The following ULK4 variants were observed in gnomAD, a reference collection of about 807,000 sequenced individuals.
ULK4 encodes unc-51 like kinase 4.
A neutral mutation model predicts 160.6 loss-of-function variants in ULK4; 133 were observed. The observed-to-expected ratio is 0.83, with a 90% confidence interval of 0.72 to 0.96. ULK4 has a LOEUF of 0.96. ULK4 is among the 40% of genes least tolerant of loss of function. ULK4 has a pLI of 0.00. For missense variants in ULK4, 1,580 were observed against 1,499.5 expected (o/e 1.05, Z -0.89); for synonymous variants, 534 against 539.8 (o/e 0.99, Z 0.15).
intron 21 of ULK4, among the ~76,000 whole-genome samples, chr3:41,783,234 A>T: frequency 6.6e-6 from 1 of 152,018 alleles, no homozygotes; most frequent in Middle Eastern, 3.4e-3. Flanking sequence ...TTCTTTTTTT[A>T]TTTAAATAGA....
At chr3:41,346,498 G>C (rs2080802844) in intron 35 of ULK4, among the ~76,000 whole-genome samples, 1 of 152,178 alleles carries the variant, frequency 6.6e-6, no homozygotes, top group Non-Finnish European at 1.5e-5. Flanking sequence ...GCTCCCACCA[G>C]TGTCCAGACT....
chr3:41,756,956 T>C (rs958392443), intron 21 of ULK4, among the ~76,000 whole-genome samples: 13 of 152,140 alleles, frequency 8.5e-5, no homozygotes, highest in Admixed American at 7.9e-4. Flanking sequence ...GGGAAAATGT[T>C]CGTAAATAAT....
intron 2 of ULK4, among the ~76,000 whole-genome samples, chr3:41,946,314 T>G (rs1311689164): frequency 6.6e-6 from 1 of 152,118 alleles, no homozygotes; most frequent in African/African-American, 2.4e-5. Context: ...AGGAACCCAT[T>G]TACTTGAGGT....
At chr3:41,854,130 T>G (rs1021961163) in intron 17 of ULK4, 4 of 152,162 alleles carry the variant, frequency 2.6e-5, no homozygotes, top group African/African-American at 7.2e-5. Context: ...TTTAGGAGCC[T>G]CGGGATTCTT....
At chr3:41,637,111 A>C (rs1190075530) in intron 30 of ULK4, among the ~76,000 whole-genome samples, 1 of 152,186 alleles carries the variant, frequency 6.6e-6, no homozygotes. Context: ...TCAAAAATAT[A>C]ACACATTGCT....
intron 35 of ULK4, among the ~76,000 whole-genome samples, chr3:41,357,307 C>A (rs1376761717): frequency 9.2e-5 from 14 of 152,162 alleles, no homozygotes; most frequent in Non-Finnish European, 7.3e-5. Context: ...AACATGAAAA[C>A]CTTGCCTCCT....
At chr3:41,390,109 T>G (rs950454894) in intron 35 of ULK4, among the ~76,000 whole-genome samples, 4 of 152,188 alleles carry the variant, frequency 2.6e-5, no homozygotes, top group Non-Finnish European at 5.9e-5. Context: ...GGGAGGTGTA[T>G]GTGTCGAGGA....
intron 35 of ULK4, among the ~76,000 whole-genome samples, chr3:41,358,048 G>A (rs1357602217): frequency 6.6e-6 from 1 of 152,144 alleles, no homozygotes; most frequent in African/African-American, 2.4e-5. Context: ...AGTGCTGGAG[G>A]CAGGTTCAAA....
intron 32 of ULK4, among the ~76,000 whole-genome samples, chr3:41,564,785 G>A (rs1169050972): frequency 1.3e-5 from 2 of 151,892 alleles, no homozygotes; most frequent in South Asian, 2.1e-4. Context: ...TTTATAAATC[G>A]AGTGTAACCT....
At chr3:41,281,173 C>G (rs1024856564) in intron 35 of ULK4, among the ~76,000 whole-genome samples, 1 of 152,074 alleles carries the variant, frequency 6.6e-6, no homozygotes, top group African/African-American at 2.4e-5. Context: ...GCCTACCCAC[C>G]AAAGAAAGTC....
intron 35 of ULK4, among the ~76,000 whole-genome samples, chr3:41,261,989 G>T (rs1354479385): frequency 2.0e-5 from 3 of 152,208 alleles, no homozygotes; most frequent in Non-Finnish European, 4.4e-5. Context: ...CATCTTCCAT[G>T]ATCACACGTT....
chr3:41,440,694 A>G (rs768454689), intron 34 of ULK4, among the ~76,000 whole-genome samples: 2 of 152,042 alleles, frequency 1.3e-5, no homozygotes, highest in Non-Finnish European at 2.9e-5. Context: ...AGCTTCTTCA[A>G]TTTTCTGGGA....
intron 30 of ULK4, among the ~76,000 whole-genome samples, chr3:41,617,278 C>G (rs961518612): frequency 2.6e-5 from 4 of 152,236 alleles, no homozygotes; most frequent in Non-Finnish European, 5.9e-5. Flanking sequence ...TGCTAAGGGA[C>G]AGGCTGCCTC....
At chr3:41,480,768 C>T (rs923990442) in intron 32 of ULK4, among the ~76,000 whole-genome samples, 1 of 152,062 alleles carries the variant, frequency 6.6e-6, no homozygotes, top group Admixed American at 6.6e-5. Flanking sequence ...CTGGGGAGGC[C>T]TCAGGAAATG....
intron 22 of ULK4, among the ~76,000 whole-genome samples, chr3:41,750,976 G>C (rs536407329): frequency 2.3e-5 from 3 of 128,480 alleles, no homozygotes; most frequent in Admixed American, 7.7e-5. Flanking sequence ...AAAAAAAAGA[G>C]AGAGAGAGAA....
At chr3:41,394,073 C>G (rs2082007347) in intron 35 of ULK4, among the ~76,000 whole-genome samples, 2 of 152,266 alleles carry the variant, frequency 1.3e-5, no homozygotes, top group South Asian at 4.1e-4. Flanking sequence ...AACACAGAGA[C>G]TACCACAAGT....
At chr3:41,846,098 A>C (rs2042062515) in intron 17 of ULK4, among the ~76,000 whole-genome samples, 1 of 152,244 alleles carries the variant, frequency 6.6e-6, no homozygotes, top group South Asian at 2.1e-4. Context: ...GTAAATAGAC[A>C]CACATCATAT....
chr3:41,258,475 A>G (rs2078878217), intron 35 of ULK4: 1 of 152,228 alleles, frequency 6.6e-6, no homozygotes, highest in African/African-American at 2.4e-5. Context: ...AGAGAACGCC[A>G]GCGAAGAGTG....
intron 35 of ULK4, among the ~76,000 whole-genome samples, chr3:41,256,558 T>C (rs1228183931): frequency 6.6e-6 from 1 of 152,230 alleles, no homozygotes; most frequent in Non-Finnish European, 1.5e-5. Flanking sequence ...CCTAGACATA[T>C]ATTTTACATC....
Sources: allele counts gnomAD v4.1 joint callset (sites outside exome capture counted in the v4.1 genomes callset), GRCh38; gene constraint gnomAD v4.1.1; transcripts MANE v1.5; gene names NCBI Gene and HGNC (gene_info 2026-07-23, HGNC 2026-07-21).